Variants in PCDHGA4 observed in about 807,000 individuals in gnomAD.
PCDHGA4 encodes protocadherin gamma-A4.
A neutral mutation model predicts 54.6 loss-of-function variants in PCDHGA4; 38 were observed. That is an observed-to-expected ratio of 0.70 (90% CI 0.54 to 0.91). The LOEUF is 0.91. Among genes scored for constraint, PCDHGA4 ranks in the 40% least tolerant of loss-of-function variants. The pLI, the probability that PCDHGA4 is intolerant of heterozygous loss-of-function variation, is 0.00. For missense variants in PCDHGA4, 1,298 were observed against 1,220.9 expected (o/e 1.06, Z -0.94); for synonymous variants, 511 against 512.9 (o/e 1.00, Z 0.05).
In PCDHGA4 at chr5:141,385,264, G is replaced by C. The variant is rs879420336; in HGVS notation, c.2514+27643G>C. 3 of 1,613,712 alleles carry C rather than the reference G, an allele frequency of 1.9e-6. No individual in the cohort carries two copies. In the African/African-American group the frequency reaches 4.0e-5, roughly 22 times the overall value. The stretch of plus-strand genomic sequence containing the variant: ...CAGCCAGGAGAGCTGTGAGAAAAAT[G>C]ATTCTTTGCTAACATCCGTAGATTT... On this transcript the variant is annotated intron_variant, in intron 1 of 3. Transcript: ENST00000571252.
intron 1 of PCDHGA4, among the ~76,000 whole-genome samples, chr5:141,457,517 TTAA>T (rs1261688593): frequency 6.6e-6 from 1 of 152,196 alleles, no homozygotes; most frequent in Non-Finnish European, 1.5e-5. Flanking sequence ...TTAAAAACAA[TTAA>T]TGAGACTAGG....
intron 1 of PCDHGA4, among the ~76,000 whole-genome samples, chr5:141,405,825 A>G (rs184785482): frequency 1.1e-3 from 172 of 152,272 alleles, no homozygotes; most frequent in Non-Finnish European, 1.9e-3. Context: ...TCTGTACTTA[A>G]GGTAGTATAA....
At chr5:141,407,960 C>T in intron 1 of PCDHGA4, 1 of 669,186 alleles carries the variant, frequency 1.5e-6, no homozygotes, top group Non-Finnish European at 2.4e-6. Flanking sequence ...CAGTGCAGAG[C>T]AAGCGCTGAC....
In PCDHGA4 at chr5:141,511,067, C is replaced by T. The variant is rs760786015; in HGVS notation, c.2783C>T (p.Pro928Leu). The change falls in exon 4 of 4, where the codon CCA (proline) becomes CTA (leucine). Residue 928 changes from proline (P) to leucine (L), a missense_variant. Pro to Leu is a moderately conservative substitution (Grantham distance 98). Coordinates refer to ENST00000571252, the MANE Select transcript of PCDHGA4 (RefSeq NM_018917.4). ...VPDYRQNVYI[P>L]GSNATLTNAA... ...GACTACCGCCAGAATGTCTACATCC[C>T]AGGCAGCAATGCCACACTGACCAAC... 7.4e-6 allele frequency: 12 copies of T among 1,614,136 alleles called. No homozygotes were observed. Among genetic ancestry groups the T allele is most frequent in the African/African-American group, 1.3e-5 (1 of 74,942 alleles).
intron 1 of PCDHGA4, chr5:141,412,947 C>A (rs930035804): frequency 2.1e-6 from 1 of 474,890 alleles, no homozygotes; most frequent in African/African-American, 2.0e-5. Flanking sequence ...CTCTGAGCGC[C>A]GCTGTTCACC....
intron 1 of PCDHGA4, chr5:141,366,618 C>A: frequency 6.2e-7 from 1 of 1,614,232 alleles, no homozygotes; most frequent in Non-Finnish European, 8.5e-7. Context: ...ACCGCGGACT[C>A]GAGGAAGAGT....
At chr5:141,370,763 C>T (rs1309192707) in intron 1 of PCDHGA4, 1 of 1,613,816 alleles carries the variant, frequency 6.2e-7, no homozygotes, top group African/African-American at 1.3e-5. Context: ...CTGTGCTGAT[C>T]CAGGATATTA....
chr5:141,362,635 C>T (rs1762607896), intron 1 of PCDHGA4: 2 of 1,483,024 alleles, frequency 1.3e-6, no homozygotes, highest in Non-Finnish European at 1.8e-6. Context: ...CTGCGTATTT[C>T]TTTGTCTGTG....
At position 141,359,202 on chromosome 5, in the gene PCDHGA4, T is replaced by A. The variant is rs115467151; in HGVS notation, c.2514+1581T>A. Among the ~76,000 whole-genome samples the A allele has an allele frequency of 3.8e-3, 584 of 152,256 alleles. 6 individuals carry two copies. Among genetic ancestry groups the A allele is most frequent in the African/African-American group, 0.013 (556 of 41,546 alleles). ...AGAAAGCAGAAATAACAAGTGAATG[T>A]TGAGAGACAACTTACATCTGAGGAG... On this transcript the variant is annotated intron_variant, in intron 1 of 3. Transcript: ENST00000571252.
Position 141,418,806 on chromosome 5 carries a change from C to T in PCDHGA4, c.2514+61185C>T, listed in dbSNP as rs200530054. The T allele has an allele frequency of 3.0e-5, 49 of 1,613,694 alleles. No individual in the cohort carries two copies. In the African/African-American group the frequency reaches 5.9e-4, roughly 19 times the overall value. On this transcript the variant is annotated intron_variant, in intron 1 of 3. Transcript: ENST00000571252. ...GATTTTGAAGAAGTAGAAAGATATA[C>T]GATAAACATAGAAGCAAAAGACCGA...
chr5:141,375,701 C>T (rs768533909), intron 1 of PCDHGA4: 7 of 1,614,256 alleles, frequency 4.3e-6, no homozygotes, highest in South Asian at 1.1e-5. Context: ...CAGCGGGGAC[C>T]CGCCTCTTAG....
chr5:141,432,561 A>C lies in PCDHGA4; in HGVS notation c.2515-62246A>C, dbSNP rs746684751. On this transcript the variant is annotated intron_variant, in intron 1 of 3. Transcript: ENST00000571252. This position sits in a 1 kb window ranked among gnomAD's most constrained non-coding sequence, Gnocchi z 6.0. Reference sequence around the variant, plus strand: ...GCGGTGGACAGAGACTCCGGCCAGAACGCCTGGCTGTCCTACCGTCTGCTC... The same window carrying C: ...GCGGTGGACAGAGACTCCGGCCAGACCGCCTGGCTGTCCTACCGTCTGCTC... 37 of 1,613,308 alleles carry C rather than the reference A, an allele frequency of 2.3e-5. 1 individual carries two copies. The highest frequency in any genetic ancestry group is 2.7e-5 in the African/African-American group (2 of 74,712).
At chr5:141,402,854 C>T (rs1589466051) in intron 1 of PCDHGA4, 2 of 1,423,530 alleles carry the variant, frequency 1.4e-6, no homozygotes, top group East Asian at 2.5e-5. Flanking sequence ...CCTCTTTCTT[C>T]TAAGGAAAAG....
At chr5:141,362,516 G>C (rs1284442105) in intron 1 of PCDHGA4, 1 of 1,613,984 alleles carries the variant, frequency 6.2e-7, no homozygotes, top group Admixed American at 1.7e-5. Flanking sequence ...ACAAATCATG[G>C]AGCCGCTGGG....
chr5:141,388,875 G>T lies in PCDHGA4; in HGVS notation c.2514+31254G>T, dbSNP rs201053346. ...TGGAGGAATGATTGCGCAATGCACAGTGGAGGTAGAAGTCATAGATGAAAA... is the reference window on the plus strand; with the variant it reads ...TGGAGGAATGATTGCGCAATGCACATTGGAGGTAGAAGTCATAGATGAAAA... On this transcript the variant is annotated intron_variant, in intron 1 of 3. Coordinates refer to ENST00000571252, the MANE Select transcript of PCDHGA4 (RefSeq NM_018917.4). 1.4e-4 allele frequency: 224 copies of T among 1,614,024 alleles called. No homozygotes were observed. The highest frequency in any genetic ancestry group is 1.8e-4 in the Non-Finnish European group (214 of 1,179,874).
intron 1 of PCDHGA4, chr5:141,441,824 G>A (rs1561905347): frequency 5.6e-6 from 2 of 356,750 alleles, no homozygotes; most frequent in South Asian, 4.7e-5. Flanking sequence ...GCTCTGGAGC[G>A]CAATGGCTTC....
intron 1 of PCDHGA4, chr5:141,478,346 G>A: frequency 6.2e-7 from 1 of 1,613,794 alleles, no homozygotes; most frequent in African/African-American, 1.3e-5. Context: ...CTCCTTGCAC[G>A]CGGACGCCGT....
intron 1 of PCDHGA4, 197 bp downstream of exon 1, chr5:141,357,818 C>T: frequency 1.4e-6 from 1 of 707,928 alleles, no homozygotes. Flanking sequence ...ATTACTTATC[C>T]TTTTTGGTCT....
At position 141,476,851 on chromosome 5, in the gene PCDHGA4, C is replaced by T; in HGVS notation, c.2515-17956C>T. ...CGAATGACAATGCGCCTGTCTTCAA[C>T]CAGTCCTTGTACCGGGCGCGCGTCC... On this transcript the variant is annotated intron_variant, in intron 1 of 3. Transcript: ENST00000571252. This position sits in a 1 kb window ranked among gnomAD's most constrained non-coding sequence, Gnocchi z 7.6. The T allele has an allele frequency of 6.2e-7, 1 of 1,613,836 alleles. No individual in the cohort carries two copies. Among genetic ancestry groups the T allele is most frequent in the Non-Finnish European group, 8.5e-7 (1 of 1,180,046 alleles).
Sources: gnomAD v4.1 joint callset for allele counts (sites outside exome capture counted in the v4.1 genomes callset) on GRCh38, gnomAD v4.1.1 for gene constraint, Gnocchi (gnomAD v3.1) non-coding constraint, MANE v1.5 for transcripts, NCBI Gene and HGNC (gene_info 2026-07-23, HGNC 2026-07-21) for gene names.